Variants in OXR1 observed in about 807,000 individuals in gnomAD.
OXR1 encodes the protein oxidation resistance 1, also known as oxidation resistance protein 1.
A neutral mutation model predicts 104.6 loss-of-function variants in OXR1; 41 were observed. The observed-to-expected ratio is 0.39, with a 90% CI of 0.31 to 0.51. The LOEUF (loss-of-function observed/expected upper bound fraction) is 0.51. OXR1 is among the 20% of genes least tolerant of loss of function. The pLI is 0.77. For synonymous variants in OXR1, 348 were observed against 348.4 expected (o/e 1.00, Z 0.01); for missense variants, 955 against 1,031.9 (o/e 0.93, Z 1.02).
intron 4 of OXR1, among the ~76,000 whole-genome samples, chr8:106,681,216 T>G (rs1451100828): frequency 6.6e-6 from 1 of 152,208 alleles, no homozygotes. Context: ...ATGAAAGTAC[T>G]TGGTAAACTT....
chr8:106,739,672 C>T (rs1834748865), intron 13 of OXR1, 89 bp downstream of exon 13: 2 of 1,239,232 alleles, frequency 1.6e-6, no homozygotes, highest in African/African-American at 1.5e-5. Context: ...TCTGAAGCAA[C>T]AGCGTTAATG....
intron 2 of OXR1, among the ~76,000 whole-genome samples, chr8:106,486,906 A>T (rs143607908): frequency 6.6e-6 from 1 of 152,198 alleles, no homozygotes; most frequent in East Asian, 1.9e-4. Flanking sequence ...TACCTTCAAC[A>T]TCAATGTAGT....
chr8:106,728,648 G>A (rs562003833), intron 11 of OXR1, among the ~76,000 whole-genome samples: 34 of 152,058 alleles, frequency 2.2e-4, no homozygotes, highest in Non-Finnish European at 4.3e-4. Context: ...TTTAAAGGCC[G>A]TTTTATAGTT....
chr8:106,604,570 T>G (rs901247858), intron 3 of OXR1, among the ~76,000 whole-genome samples: 1 of 152,204 alleles, frequency 6.6e-6, no homozygotes, highest in African/African-American at 2.4e-5. Context: ...ATGCAGACAA[T>G]ATATCCAGTA....
intron 1 of OXR1, among the ~76,000 whole-genome samples, chr8:106,308,514 C>T (rs1243386276): frequency 6.6e-6 from 1 of 152,122 alleles, no homozygotes; most frequent in Non-Finnish European, 1.5e-5. Context: ...GGTTAATATC[C>T]CAATACTGAC....
chr8:106,724,226 T>C (rs1279451933), intron 11 of OXR1, among the ~76,000 whole-genome samples: 1 of 152,212 alleles, frequency 6.6e-6, no homozygotes, highest in Non-Finnish European at 1.5e-5. Context: ...AATATCTGAA[T>C]TATGAGAACA....
intron 11 of OXR1, chr8:106,720,775 T>G (rs963277368): frequency 1.3e-6 from 1 of 792,232 alleles, no homozygotes; most frequent in Non-Finnish European, 1.5e-6. Flanking sequence ...TTTGTCTTCT[T>G]CAACTTTGTC....
chr8:106,727,624 T>C (rs971832593), intron 11 of OXR1, among the ~76,000 whole-genome samples: 10 of 152,164 alleles, frequency 6.6e-5, no homozygotes, highest in Non-Finnish European at 1.5e-4. Context: ...TTCGCCTTGT[T>C]GCCCAGGCTG....
At chr8:106,597,862 C>T (rs542220514) in intron 3 of OXR1, among the ~76,000 whole-genome samples, 35 of 152,282 alleles carry the variant, frequency 2.3e-4, no homozygotes, top group African/African-American at 7.7e-4. Context: ...CTCTTTACTG[C>T]CCACACTGCC....
intron 2 of OXR1, among the ~76,000 whole-genome samples, chr8:106,369,736 G>A (rs1816628331): frequency 1.3e-5 from 2 of 152,056 alleles, no homozygotes; most frequent in Admixed American, 1.3e-4. Flanking sequence ...TGAAGTCTCT[G>A]TTCTGCTCCA....
chr8:106,626,334 T>TAA (rs773984078), intron 3 of OXR1, among the ~76,000 whole-genome samples: 10 of 145,492 alleles, frequency 6.9e-5, no homozygotes, highest in Admixed American at 3.4e-4. Flanking sequence ...ATTCATTTTC[T>TAA]AAAAAAAAAA....
chr8:106,681,995 G>A (rs1828201149), intron 4 of OXR1, among the ~76,000 whole-genome samples: 1 of 152,074 alleles, frequency 6.6e-6, no homozygotes, highest in Admixed American at 6.6e-5. Flanking sequence ...TCTTCACTTT[G>A]AAAGTTCATT....
At chr8:106,458,812 T>C (rs559018837) in intron 2 of OXR1, among the ~76,000 whole-genome samples, 1 of 152,314 alleles carries the variant, frequency 6.6e-6, no homozygotes, top group Admixed American at 6.5e-5. Flanking sequence ...TACTTGGGAC[T>C]AGTTAGCCCT....
chr8:106,591,111 A>T (rs538410088), intron 3 of OXR1, among the ~76,000 whole-genome samples: 1 of 152,016 alleles, frequency 6.6e-6, no homozygotes, highest in East Asian at 1.9e-4. Flanking sequence ...GCAGCCATAA[A>T]AAAGGATGAG....
At chr8:106,631,421 ATTAAGGT>A (rs1822675705) in intron 3 of OXR1, among the ~76,000 whole-genome samples, 1 of 152,238 alleles carries the variant, frequency 6.6e-6, no homozygotes, top group Non-Finnish European at 1.5e-5. Context: ...GGAACACAAA[ATTAAGGT>A]GGCAATGTAA....
intron 3 of OXR1, among the ~76,000 whole-genome samples, chr8:106,538,598 C>G (rs1054024738): frequency 1.1e-4 from 17 of 152,140 alleles, no homozygotes; most frequent in Non-Finnish European, 2.1e-4. Flanking sequence ...GTTTCATAAA[C>G]TTCTTTATTT....
chr8:106,443,377 A>G (rs1819874166), intron 2 of OXR1, among the ~76,000 whole-genome samples: 1 of 152,106 alleles, frequency 6.6e-6, no homozygotes, highest in Non-Finnish European at 1.5e-5. Context: ...AGAACAATGT[A>G]TACTCTGTTG....
In OXR1 at chr8:106,711,586, G is replaced by A. The variant is rs868666303; in HGVS notation, c.1793+796G>A. The stretch of plus-strand genomic sequence containing the variant: ...TATTTTAACATTTTCTGTGACTTTT[G>A]TAAAAACAGTAAAGGGTTTAAGGTT... On this transcript the variant is annotated intron_variant, in intron 10 of 16. Coordinates refer to ENST00000517566, the MANE Select transcript of OXR1 (RefSeq NM_001198533.2). Among the ~76,000 whole-genome samples, 3 of 152,074 alleles carry A rather than the reference G, an allele frequency of 2.0e-5. No homozygotes were observed. In the East Asian group the frequency reaches 5.8e-4, roughly 29 times the overall value.
At chr8:106,740,607 A>G in intron 14 of OXR1, 112 bp downstream of exon 14, 2 of 854,142 alleles carry the variant, frequency 2.3e-6, no homozygotes, top group Non-Finnish European at 3.7e-6. Context: ...TGTTTAACTG[A>G]TAATTACTGG....
Sources: allele counts gnomAD v4.1 joint callset (sites outside exome capture counted in the v4.1 genomes callset), GRCh38; gene constraint gnomAD v4.1.1; transcripts MANE v1.5; gene names NCBI Gene and HGNC (gene_info 2026-07-23, HGNC 2026-07-21).